C5orf58: variants seen among roughly 807,000 people sequenced by gnomAD.
The protein encoded by C5orf58 is chromosome 5 open reading frame 58, also known as putative uncharacterized protein C5orf58.
In C5orf58, 2 loss-of-function variants were observed where a neutral mutation model predicts 2.9. The ratio of observed to expected loss-of-function variants is 0.69; its 90% CI spans 0.28 to 2.18. The LOEUF (loss-of-function observed/expected upper bound fraction) is 2.18. Among genes scored for constraint, C5orf58 ranks in the 30% most tolerant of loss-of-function variants. The probability of loss-of-function intolerance (pLI) is 0.13; values close to 1 mark genes in which losing one functional copy is unlikely to be tolerated. For missense variants in C5orf58, 96 were observed against 91.7 expected (o/e 1.05, Z -0.19); for synonymous variants, 37 against 33.4 (o/e 1.11, Z -0.37).
At chr5:170,244,291 C>T (rs1462963949) in intron 3 of C5orf58, among the ~76,000 whole-genome samples, 1 of 149,470 alleles carries the variant, frequency 6.7e-6, no homozygotes, top group African/African-American at 2.5e-5. Context: ...ATCTTTGTGG[C>T]GTTCTCTGTA....
At chr5:170,246,511 A>G (rs1315860446), downstream of C5orf58, 1 of 160,054 alleles carries the variant, frequency 6.2e-6, no homozygotes, top group African/African-American at 2.4e-5. Flanking sequence ...AATAGATTTC[A>G]GGGATCCCAC....
downstream of C5orf58, among the ~76,000 whole-genome samples, chr5:170,250,458 T>C (rs1420407174): frequency 6.6e-6 from 1 of 152,258 alleles, no homozygotes; most frequent in Non-Finnish European, 1.5e-5. Flanking sequence ...ACCATCTAAA[T>C]AGATTTTTTT....
intron 3 of C5orf58, 31 bp from the exon 4 acceptor site, chr5:170,245,931 A>T (rs1183884960): frequency 1.3e-6 from 2 of 1,590,926 alleles, no homozygotes; most frequent in East Asian, 4.5e-5. Context: ...TATGTGCTAC[A>T]ATATAATATC....
chr5:170,252,437 G>C (rs781380192), downstream of C5orf58: 2 of 1,545,168 alleles, frequency 1.3e-6, no homozygotes, highest in Non-Finnish European at 1.8e-6. Context: ...ACAATACCTG[G>C]TTTATCTTTC....
chr5:170,245,580 C>A (rs567956906), intron 3 of C5orf58, among the ~76,000 whole-genome samples: 1 of 152,238 alleles, frequency 6.6e-6, no homozygotes. Context: ...AAAGGGAACT[C>A]CCTGACCCCT....
intron 3 of C5orf58, among the ~76,000 whole-genome samples, chr5:170,238,611 A>G (rs1241486703): frequency 6.6e-6 from 1 of 152,212 alleles, no homozygotes; most frequent in African/African-American, 2.4e-5. Flanking sequence ...ACCACAGTGC[A>G]TGAAAATAGG....
chr5:170,251,216 A>G (rs1312122957), downstream of C5orf58: 1 of 226,966 alleles, frequency 4.4e-6, no homozygotes, highest in Non-Finnish European at 8.8e-6. Context: ...GCCAGGAGAA[A>G]TAAAATACTT....
downstream of C5orf58, among the ~76,000 whole-genome samples, chr5:170,249,999 C>CA (rs1302609181): frequency 2.0e-5 from 3 of 152,056 alleles, no homozygotes; most frequent in Admixed American, 2.0e-4. Context: ...CACAAGCATG[C>CA]ATTTTTTTTC....
chr5:170,233,959 C>A, intron 1 of C5orf58, 156 bp from the exon 2 acceptor site: 1 of 373,022 alleles, frequency 2.7e-6, no homozygotes, highest in Non-Finnish European at 5.3e-6. Flanking sequence ...TCTTTAATTC[C>A]ACCACTCCAC....
intron 1 of C5orf58, chr5:170,233,914 C>G (rs967524361): frequency 5.5e-6 from 2 of 362,604 alleles, no homozygotes; most frequent in Non-Finnish European, 1.1e-5. Context: ...TTCTACTTTA[C>G]TATTTTTAAA....
downstream of C5orf58, chr5:170,248,598 T>A (rs2113141628): frequency 7.7e-7 from 1 of 1,298,938 alleles, no homozygotes; most frequent in South Asian, 1.3e-5. Context: ...TGGGGAGGGG[T>A]TCAGTTCAGT....
chr5:170,248,633 G>C, downstream of C5orf58: 1 of 1,591,420 alleles, frequency 6.3e-7, no homozygotes, highest in Non-Finnish European at 8.6e-7. Context: ...CATTGACCAA[G>C]GCTGATTGAT....
At chr5:170,250,661 G>T, downstream of C5orf58, 2 of 1,207,076 alleles carry the variant, frequency 1.7e-6, no homozygotes, top group South Asian at 1.2e-5. Context: ...CTCAAAGATC[G>T]CTCCATGAAG....
chr5:170,240,917 C>T (rs1261450184), intron 3 of C5orf58, among the ~76,000 whole-genome samples: 2 of 151,900 alleles, frequency 1.3e-5, no homozygotes, highest in African/African-American at 2.4e-5. Context: ...AGGTCTAACG[C>T]TTAAGTCTTT....
chr5:170,233,381 G>A (rs1760597113), intron 1 of C5orf58: 1 of 152,324 alleles, frequency 6.6e-6, no homozygotes, highest in Non-Finnish European at 1.5e-5. Flanking sequence ...TTGAGCGGGT[G>A]GTTGGGCCGC....
chr5:170,247,036 C>A, downstream of C5orf58: 2 of 152,090 alleles, frequency 1.3e-5, 1 homozygote, highest in East Asian at 3.8e-4. Context: ...TCTATCAGGT[C>A]CTTCATTTTA....
At chr5:170,237,688 A>G in intron 3 of C5orf58, among the ~76,000 whole-genome samples, 1 of 152,104 alleles carries the variant, frequency 6.6e-6, no homozygotes, top group Non-Finnish European at 1.5e-5. Context: ...TAATAGGAAG[A>G]CTAGTTAAAT....
chr5:170,251,080 T>G (rs888343524), downstream of C5orf58: 1 of 521,314 alleles, frequency 1.9e-6, no homozygotes, highest in African/African-American at 1.9e-5. Context: ...CATGAGTTAT[T>G]TTGTTATTAA....
At chr5:170,236,044 C>T (rs904634604) in intron 3 of C5orf58, among the ~76,000 whole-genome samples, 1 of 152,066 alleles carries the variant, frequency 6.6e-6, no homozygotes, top group Non-Finnish European at 1.5e-5. Context: ...AGTCTCCTCC[C>T]AGATCCCTCC....
Sources: allele counts gnomAD v4.1 joint callset (sites outside exome capture counted in the v4.1 genomes callset), GRCh38; gene constraint gnomAD v4.1.1; transcripts MANE v1.5; gene names NCBI Gene and HGNC (gene_info 2026-07-23, HGNC 2026-07-21).